BCL9: variants seen among roughly 807,000 people sequenced by gnomAD.
The protein encoded by BCL9 is BCL9 transcription coactivator, also known as B-cell CLL/lymphoma 9 protein.
A neutral mutation model predicts 88.5 loss-of-function variants in BCL9; 25 were observed. The observed-to-expected ratio is 0.28, with a 90% CI of 0.21 to 0.39. BCL9 has a LOEUF of 0.39. BCL9 is among the 10% of genes least tolerant of loss of function. BCL9 has a pLI of 1.00. For synonymous variants in BCL9, 711 were observed against 673.3 expected (o/e 1.06, Z -0.87); for missense variants, 1,817 against 1,877.8 (o/e 0.97, Z 0.60).
chr1:147,595,188 G>A (rs1207379108), intron 1 of BCL9, among the ~76,000 whole-genome samples: 3 of 152,208 alleles, frequency 2.0e-5, no homozygotes, highest in Non-Finnish European at 2.9e-5. Context: ...TTGGCTTCAT[G>A]TTTTTTCTAG....
chr1:147,599,498 C>T (rs35428984), intron 1 of BCL9, among the ~76,000 whole-genome samples: 10 of 151,674 alleles, frequency 6.6e-5, no homozygotes, highest in African/African-American at 1.9e-4. Context: ...CCCCCCGCCC[C>T]CCTCGGTTGC....
chr1:147,591,301 T>G (rs1553199877), intron 1 of BCL9, among the ~76,000 whole-genome samples: 1 of 152,214 alleles, frequency 6.6e-6, no homozygotes, highest in Non-Finnish European at 1.5e-5. Context: ...TCCCACCTTA[T>G]TTATCTATCT....
intron 1 of BCL9, among the ~76,000 whole-genome samples, chr1:147,568,238 C>A (rs1655699520): frequency 6.6e-6 from 1 of 152,188 alleles, no homozygotes; most frequent in South Asian, 2.1e-4. Context: ...GTGGTCAGAT[C>A]ATCTCCTAAG....
intron 1 of BCL9, among the ~76,000 whole-genome samples, chr1:147,559,909 AC>A (rs1232688575): frequency 6.6e-6 from 1 of 152,192 alleles, no homozygotes; most frequent in Non-Finnish European, 1.5e-5. Context: ...AGGAACTAAG[AC>A]CCAGAGAAAA....
At chr1:147,613,291 C>A in intron 5 of BCL9, 92 bp downstream of exon 5, 1 of 1,299,764 alleles carries the variant, frequency 7.7e-7, no homozygotes, top group Non-Finnish European at 1.1e-6. Context: ...AGCCTAATAT[C>A]AGACAAGTGG....
chr1:147,545,542 T>A (rs1254244217), intron 1 of BCL9, among the ~76,000 whole-genome samples: 1 of 152,220 alleles, frequency 6.6e-6, no homozygotes, highest in Non-Finnish European at 1.5e-5. Flanking sequence ...GGAAGAAAAC[T>A]GAAGACTGTT....
intron 1 of BCL9, among the ~76,000 whole-genome samples, chr1:147,589,360 A>G (rs1244851263): frequency 6.6e-6 from 1 of 152,204 alleles, no homozygotes; most frequent in African/African-American, 2.4e-5. Context: ...TTTACAAACC[A>G]TAAAATTTAC....
rs970867183 is a variant in BCL9 at position 147,615,114 on chromosome 1, T to G, written c.560+498T>G. Among the ~76,000 whole-genome samples the G allele has an allele frequency of 5.9e-5, 9 of 152,292 alleles. No individual in the cohort carries two copies. In the South Asian group the frequency reaches 1.9e-3, roughly 32 times the overall value. ...CCTCAGCCTCCCAAAATGATGGGAT[T>G]ACAGGCATGAGCCACCGCGCCTGGC... On this transcript the variant is annotated intron_variant, in intron 6 of 9. Transcript: ENST00000234739.
chr1:147,603,616 C>T (rs1157092656), intron 1 of BCL9, among the ~76,000 whole-genome samples: 1 of 152,170 alleles, frequency 6.6e-6, no homozygotes, highest in Admixed American at 6.5e-5. Flanking sequence ...ATTCCCCTGC[C>T]TCAGCCTCCC....
In BCL9 at chr1:147,625,688, A is replaced by G. The variant is rs1553206492; in HGVS notation, c.*729A>G. 1 of 231,496 alleles carries G rather than the reference A, an allele frequency of 4.3e-6. No homozygotes were observed. Among genetic ancestry groups the G allele is most frequent in the Non-Finnish European group, 8.5e-6 (1 of 117,214 alleles). The allele number at this position is 231,496 out of a possible 1,614,324, so 14.3% of individuals were successfully genotyped here. A position where few individuals can be genotyped will look rare whatever the true frequency, so the allele number is the denominator to read the frequency against. ...CACTGTCTTGTCTCCCAATATACCAACCCACTGGCACATTTTTCTCTTGTT... is the reference window on the plus strand; with the variant it reads ...CACTGTCTTGTCTCCCAATATACCAGCCCACTGGCACATTTTTCTCTTGTT... On this transcript the variant is annotated 3_prime_UTR_variant, in exon 10 of 10. Coordinates refer to ENST00000234739, the MANE Select transcript of BCL9 (RefSeq NM_004326.4).
chr1:147,619,109 C>T lies in BCL9; in HGVS notation c.954C>T (p.Ser318=), dbSNP rs1014389731. ...TPNNRAVTPV[S]QGSNSSSADP... is the part of the protein sequence containing the mutation. Reference sequence around the variant, plus strand: ...ACAATAGGGCAGTGACCCCTGTCTCCCAGGGGAGCAATAGCTCTTCAGCAG... The same window carrying T: ...ACAATAGGGCAGTGACCCCTGTCTCTCAGGGGAGCAATAGCTCTTCAGCAG... Residue 318 remains serine (S), a synonymous_variant, in exon 8 of 10, where the codon TCC becomes TCT. Coordinates refer to ENST00000234739, the MANE Select transcript of BCL9 (RefSeq NM_004326.4). This position sits in a 1 kb window ranked among gnomAD's most constrained non-coding sequence, Gnocchi z 4.1. The T allele has an allele frequency of 1.2e-6, 2 of 1,613,868 alleles. No individual in the cohort carries two copies. Among genetic ancestry groups the T allele is most frequent in the Non-Finnish European group, 1.7e-6 (2 of 1,179,884 alleles).
At chr1:147,566,556 A>G (rs1553196710) in intron 1 of BCL9, among the ~76,000 whole-genome samples, 1 of 152,126 alleles carries the variant, frequency 6.6e-6, no homozygotes, top group African/African-American at 2.4e-5. Flanking sequence ...GGAGATCGAG[A>G]CCATCCTGGC....
Position 147,620,569 on chromosome 1 carries a change from G to A in BCL9, c.2414G>A (p.Gly805Glu), listed in dbSNP as rs1658570330. ...SGLRNLREPIGPDQRTNSRLS... is the reference protein window; with the variant it reads ...SGLRNLREPIEPDQRTNSRLS... ...TTGCGGAATCTCAGAGAACCAATTG[G>A]GCCCGACCAGAGGACTAACAGCCGG... is the stretch of plus-strand genomic sequence containing the variant. Residue 805 changes from glycine (G) to glutamate (E), a missense_variant, in exon 8 of 10, where the codon GGG (glycine) becomes GAG (glutamate). Around this residue, in one of 2 missense-constraint regions of BCL9, gnomAD observed 1,228 missense variants for 1,191.6 expected, o/e 1.03. Transcript: ENST00000234739. 1 of 1,614,056 alleles carries A rather than the reference G, an allele frequency of 6.2e-7. No homozygotes were observed. The highest frequency in any genetic ancestry group is 8.5e-7 in the Non-Finnish European group (1 of 1,179,998).
Position 147,619,021 on chromosome 1 carries a change from T to C in BCL9, c.866T>C (p.Val289Ala). 6.2e-7 allele frequency: 1 copy of C among 1,609,814 alleles called. No homozygotes were observed. The highest frequency in any genetic ancestry group is 8.5e-7 in the Non-Finnish European group (1 of 1,177,700). ...PGVENKLIPS[V>A]GSPASSTPLP... ...GTAGAAAACAAACTGATTCCTTCTG[T>C]AGGAAGTCCTGCCAGCTCCACTCCA... The change falls in exon 8 of 10, where the codon GTA becomes GCA. Residue 289 changes from valine to alanine, a missense_variant. By Grantham distance (64) the Val-to-Ala change is moderately conservative. This residue lies in a region of BCL9 where 1,228 missense variants were observed against 1,191.6 expected (regional missense o/e 1.03). Coordinates refer to ENST00000234739, the MANE Select transcript of BCL9 (RefSeq NM_004326.4). The surrounding 1 kb of genome is among the most constrained non-coding windows in gnomAD (Gnocchi z 4.1).
chr1:147,553,894 GA>G (rs1394573833), intron 1 of BCL9, among the ~76,000 whole-genome samples: 1 of 152,110 alleles, frequency 6.6e-6, no homozygotes, highest in Admixed American at 6.5e-5. Context: ...ATGATTCTTT[GA>G]AATTTTATGT....
chr1:147,612,383 G>A (rs1269148222), intron 4 of BCL9, among the ~76,000 whole-genome samples: 1 of 152,188 alleles, frequency 6.6e-6, no homozygotes, highest in East Asian at 1.9e-4. Flanking sequence ...AATACTGCTT[G>A]TTGGGAGGGA....
At position 147,570,845 on chromosome 1, in the gene BCL9, G is replaced by C. The variant is rs1655854886; in HGVS notation, c.-478+29171G>C. ...AGATGGGGTTTCTCCATGTTGGTCAGGCTGGTCTCGAACTCCTGACCTCAG... is the reference window on the plus strand; with the variant it reads ...AGATGGGGTTTCTCCATGTTGGTCACGCTGGTCTCGAACTCCTGACCTCAG... On this transcript the variant is annotated intron_variant, in intron 1 of 9. Transcript: ENST00000234739. Among the ~76,000 whole-genome samples, 7 of 152,114 alleles carry C rather than the reference G, an allele frequency of 4.6e-5. No individual in the cohort carries two copies. The South Asian group carries it at 1.5e-3, about 32-fold the overall frequency.
At chr1:147,585,222 C>T (rs193090123) in intron 1 of BCL9, among the ~76,000 whole-genome samples, 1 of 152,268 alleles carries the variant, frequency 6.6e-6, no homozygotes, top group East Asian at 1.9e-4. Context: ...AGATGTGTTC[C>T]TTTAAAACTG....
Position 147,619,060 on chromosome 1 carries a change from G to A in BCL9, c.905G>A (p.Gly302Asp), listed in dbSNP as rs142428017. ...PASSTPLPPD[G>D]TGPNSTPNNR... ...AGCTCCACTCCACTGCCCCCAGATG[G>A]TACTGGGCCCAACTCAACTCCCAAC... Residue 302 changes from glycine to aspartate, a missense_variant, in exon 8 of 10, where the codon GGT (glycine) becomes GAT (aspartate). By Grantham distance (94) the Gly-to-Asp change is moderately conservative. Around this residue, in one of 2 missense-constraint regions of BCL9, gnomAD observed 1,228 missense variants for 1,191.6 expected, o/e 1.03. Transcript: ENST00000234739. This position sits in a 1 kb window ranked among gnomAD's most constrained non-coding sequence, Gnocchi z 4.1. 2,097 of 1,612,716 alleles carry A rather than the reference G, an allele frequency of 1.3e-3. 5 individuals carry two copies. The highest frequency in any genetic ancestry group is 6.4e-3 in the Middle Eastern group (39 of 6,058).
Sources: allele counts gnomAD v4.1 joint callset (sites outside exome capture counted in the v4.1 genomes callset), GRCh38; gene constraint gnomAD v4.1.1; regional missense constraint gnomAD v4.1.1; non-coding constraint Gnocchi (gnomAD v3.1); transcripts MANE v1.5; gene names NCBI Gene and HGNC (gene_info 2026-07-23, HGNC 2026-07-21).